Variants in SHE observed in about 807,000 individuals in gnomAD.
The protein encoded by SHE is Src homology 2 domain containing E, also known as SH2 domain-containing adapter protein E.
Under a neutral mutation model 49.8 loss-of-function variants are expected in SHE, and 11 were observed. That is an observed-to-expected ratio of 0.22 (90% confidence interval 0.14 to 0.37). The LOEUF is 0.37. Ranked by LOEUF, SHE falls within the 10% of genes least tolerant of loss-of-function variation. The pLI is 1.00. For synonymous variants in SHE, 310 were observed against 278.1 expected (o/e 1.11, Z -1.14); for missense variants, 624 against 655.5 (o/e 0.95, Z 0.52).
At chr1:154,479,125 G>A (rs192217518), downstream of SHE, among the ~76,000 whole-genome samples, 13 of 152,134 alleles carry the variant, frequency 8.5e-5, no homozygotes, top group Admixed American at 3.9e-4. Flanking sequence ...AGATGGCATG[G>A]GACATTTGTA....
intron 2 of SHE, among the ~76,000 whole-genome samples, chr1:154,492,923 A>C (rs556883239): frequency 6.6e-6 from 1 of 152,362 alleles, no homozygotes; most frequent in African/African-American, 2.4e-5. Flanking sequence ...CCTGCTCACA[A>C]GGACATTTCA....
chr1:154,484,089 G>A lies in SHE; in HGVS notation c.*60C>T, dbSNP rs1385913566. The A allele has an allele frequency of 5.0e-5, 79 of 1,573,278 alleles. No individual in the cohort carries two copies. The highest frequency in any genetic ancestry group is 6.6e-5 in the Non-Finnish European group (76 of 1,155,018). On this transcript the variant is annotated 3_prime_UTR_variant, in exon 6 of 6. Coordinates refer to ENST00000304760, the MANE Select transcript of SHE (RefSeq NM_001010846.3). The stretch of plus-strand genomic sequence containing the variant: ...TCCAGCCTTGTCCTCTGAGATGCTG[G>A]TTGTGCGCTGATGATGCCCTTGAAG...
At chr1:154,489,001 G>T in intron 3 of SHE, 50 bp downstream of exon 3, 1 of 1,510,182 alleles carries the variant, frequency 6.6e-7, no homozygotes. Flanking sequence ...CTGATGCGGT[G>T]GCCAGAAGAC....
At chr1:154,498,975 T>TA (rs967810371) in intron 2 of SHE, 137 bp downstream of exon 2, 3 of 1,122,482 alleles carry the variant, frequency 2.7e-6, no homozygotes, top group Non-Finnish European at 3.7e-6. Flanking sequence ...GTTTGGGGTC[T>TA]AATTTCTGTT....
downstream of SHE, among the ~76,000 whole-genome samples, chr1:154,476,749 T>C (rs1691886307): frequency 6.6e-6 from 1 of 152,242 alleles, no homozygotes; most frequent in Non-Finnish European, 1.5e-5. Context: ...ATATGTTTCT[T>C]GCCAACAACA....
Position 154,483,637 on chromosome 1 carries a change from G to C in SHE, c.*512C>G, listed in dbSNP as rs973827289. Reference sequence around the variant, plus strand: ...AGCTAAATCATGATTTCTTATTGTAGAACTACTTAGCAAGGAAACAAGGGA... The same window carrying C: ...AGCTAAATCATGATTTCTTATTGTACAACTACTTAGCAAGGAAACAAGGGA... On this transcript the variant is annotated 3_prime_UTR_variant, in exon 6 of 6. Coordinates refer to ENST00000304760, the MANE Select transcript of SHE (RefSeq NM_001010846.3). 2 of 986,096 alleles carry C rather than the reference G, an allele frequency of 2.0e-6. No individual in the cohort carries two copies. Among genetic ancestry groups the C allele is most frequent in the Non-Finnish European group, 2.4e-6 (2 of 830,490 alleles). The allele number at this position is 986,096 out of a possible 1,614,324, so 61.1% of individuals were successfully genotyped here. A position where few individuals can be genotyped will look rare whatever the true frequency, so the allele number is the denominator to read the frequency against.
At position 154,501,639 on chromosome 1, in the gene SHE, G is replaced by GCTC; in HGVS notation, c.385_387dup (p.Glu129dup). The GCTC allele has an allele frequency of 6.2e-7, 1 of 1,614,128 alleles. No homozygotes were observed. The highest frequency in any genetic ancestry group is 1.1e-5 in the South Asian group (1 of 91,084). On this transcript the variant is annotated inframe_insertion, in exon 1 of 6. Coordinates refer to ENST00000304760, the MANE Select transcript of SHE (RefSeq NM_001010846.3). Reference sequence around the variant, plus strand: ...GAGCTCTTGGTTGCACCCCGGTGGGGCTCCTCCTCCGTGGCCCGGGAGTTT... The same window carrying GCTC: ...GAGCTCTTGGTTGCACCCCGGTGGGGCTCCTCCTCCTCCGTGGCCCGGGAGTTT...
chr1:154,487,622 TGA>T (rs1426917867), intron 3 of SHE, among the ~76,000 whole-genome samples: 1 of 151,748 alleles, frequency 6.6e-6, no homozygotes, highest in Non-Finnish European at 1.5e-5. Flanking sequence ...GAGGCTGAGG[TGA>T]GAGGATCTCT....
chr1:154,500,044 A>C (rs758962025), intron 1 of SHE, among the ~76,000 whole-genome samples: 1 of 142,546 alleles, frequency 7.0e-6, no homozygotes, highest in African/African-American at 2.7e-5. Context: ...TACATTCTCC[A>C]AAGAGTTTAG....
At chr1:154,489,465 T>C (rs929926905) in intron 2 of SHE, 109 bp from the exon 3 acceptor site, 4 of 1,332,760 alleles carry the variant, frequency 3.0e-6, no homozygotes, top group Non-Finnish European at 4.1e-6. Context: ...CACCTCTGTC[T>C]GTCTGGGTGA....
downstream of SHE, chr1:154,479,434 AG>A (rs538975498): frequency 7.6e-6 from 7 of 915,536 alleles, no homozygotes; most frequent in East Asian, 3.5e-4. Context: ...ATTTTTCTGA[AG>A]GAAGATGATT....
chr1:154,483,970 C>G lies in SHE; in HGVS notation c.*179G>C. The stretch of plus-strand genomic sequence containing the variant: ...CCAAGATTGCGCCATTGCACTCCAG[C>G]CTGGGCAACACAGCGAGACTTCGTC... On this transcript the variant is annotated 3_prime_UTR_variant, in exon 6 of 6. Coordinates refer to ENST00000304760, the MANE Select transcript of SHE (RefSeq NM_001010846.3). The G allele has an allele frequency of 7.1e-7, 1 of 1,404,906 alleles. No homozygotes were observed. 87.0% of individuals were successfully genotyped at this position (1,404,906 alleles called of 1,614,324 possible).
At chr1:154,484,751 C>T (rs1378097534) in intron 5 of SHE, 1 of 154,766 alleles carries the variant, frequency 6.5e-6, no homozygotes, top group Non-Finnish European at 1.4e-5. Flanking sequence ...CACTTGAGGT[C>T]AGGAGTTCAA....
At chr1:154,492,839 G>C (rs946294719) in intron 2 of SHE, among the ~76,000 whole-genome samples, 8 of 152,160 alleles carry the variant, frequency 5.3e-5, no homozygotes, top group African/African-American at 1.7e-4. Flanking sequence ...CCTTTCCCAA[G>C]GTCCTTGCTG....
rs936653764 is a variant in SHE at position 154,483,756 on chromosome 1, C to A, written c.*393G>T. On this transcript the variant is annotated 3_prime_UTR_variant, in exon 6 of 6. Transcript: ENST00000304760. ...CCTGTAATCCAGGCACTCGGGGAGACTGAGGTGGGTGGATCATTTGAGGTC... is the reference window on the plus strand; with the variant it reads ...CCTGTAATCCAGGCACTCGGGGAGAATGAGGTGGGTGGATCATTTGAGGTC... 14 of 999,384 alleles carry A rather than the reference C, an allele frequency of 1.4e-5. No homozygotes were observed. The highest frequency in any genetic ancestry group is 1.0e-4 in the African/African-American group (6 of 57,536). 61.9% of individuals were successfully genotyped at this position (999,384 alleles called of 1,614,324 possible). A position where few individuals can be genotyped will look rare whatever the true frequency, so the allele number is the denominator to read the frequency against.
chr1:154,478,717 G>A (rs542711395), downstream of SHE, among the ~76,000 whole-genome samples: 92 of 152,224 alleles, frequency 6.0e-4, no homozygotes, highest in African/African-American at 2.2e-3. Flanking sequence ...CTCAAACCCT[G>A]GGTGCTTGTA....
intron 1 of SHE, among the ~76,000 whole-genome samples, chr1:154,500,217 A>C (rs1177296972): frequency 6.6e-6 from 1 of 152,172 alleles, no homozygotes; most frequent in Non-Finnish European, 1.5e-5. Flanking sequence ...CCATTCACTT[A>C]ATCCATTTTT....
chr1:154,481,019 T>C lies in SHE; in HGVS notation c.*3130A>G. On this transcript the variant is annotated 3_prime_UTR_variant, in exon 6 of 6. Coordinates refer to ENST00000304760, the MANE Select transcript of SHE (RefSeq NM_001010846.3). The stretch of plus-strand genomic sequence containing the variant: ...ACATTCTTCTCACCAGAGAATATCC[T>C]GGGAGATGGAATAACTCGAAGGAAT... 1 of 985,452 alleles carries C rather than the reference T, an allele frequency of 1.0e-6. No homozygotes were observed. The highest frequency in any genetic ancestry group is 1.2e-6 in the Non-Finnish European group (1 of 829,926). 61.0% of individuals were successfully genotyped at this position (985,452 alleles called of 1,614,324 possible). A position where few individuals can be genotyped will look rare whatever the true frequency, so the allele number is the denominator to read the frequency against.
chr1:154,471,667 TAA>T (rs1282568288), intron 1 of SHE, among the ~76,000 whole-genome samples: 1 of 142,302 alleles, frequency 7.0e-6, no homozygotes, highest in Non-Finnish European at 1.5e-5. Context: ...TGAATAAAGT[TAA>T]GTTTTTCAGT....
Sources: gnomAD v4.1 joint callset for allele counts (sites outside exome capture counted in the v4.1 genomes callset) on GRCh38, gnomAD v4.1.1 for gene constraint, MANE v1.5 for transcripts, NCBI Gene and HGNC (gene_info 2026-07-23, HGNC 2026-07-21) for gene names.